SNED1: variants seen among roughly 807,000 people sequenced by gnomAD.
The protein encoded by SNED1 is sushi, nidogen and EGF like domains 1, also known as sushi, nidogen and EGF-like domain-containing protein 1.
A neutral mutation model predicts 166.7 loss-of-function variants in SNED1; 81 were observed. The observed-to-expected ratio is 0.49, with a 90% CI of 0.41 to 0.58. The LOEUF is 0.58. Ranked by LOEUF, SNED1 falls within the 20% of genes least tolerant of loss-of-function variation. SNED1 has a pLI of 0.00. For missense variants in SNED1, 1,604 were observed against 2,000.2 expected, an observed-to-expected ratio of 0.80 and a Z score of 3.78; for synonymous variants, 762 against 822.0, an observed-to-expected ratio of 0.93 and a Z score of 1.25.
rs1302411283 is a variant in SNED1, at chr2:241,018,070, A to G, written c.214-12214A>G. On this transcript the variant is annotated intron_variant, in intron 1 of 31. Transcript: ENST00000310397. This position sits in a 1 kb window ranked among gnomAD's most constrained non-coding sequence, Gnocchi z 5.4. ...TGATCCCTTTCCCGACTGGAGAGGCATTCCAAGGCTCACTCCCTCCCAGGT... is the reference window on the plus strand; with the variant it reads ...TGATCCCTTTCCCGACTGGAGAGGCGTTCCAAGGCTCACTCCCTCCCAGGT... Among the ~76,000 whole-genome samples, 1 of 152,140 alleles carries G rather than the reference A, an allele frequency of 6.6e-6. No homozygotes were observed. The highest frequency in any genetic ancestry group is 1.5e-5 in the Non-Finnish European group (1 of 68,018).
intron 1 of SNED1, among the ~76,000 whole-genome samples, chr2:241,002,288 A>G (rs1391213033): frequency 6.6e-6 from 1 of 152,082 alleles, no homozygotes; most frequent in East Asian, 1.9e-4. Context: ...AGGCCTGCGC[A>G]TGAGTGGATC....
intron 26 of SNED1, 145 bp downstream of exon 26, chr2:241,072,023 A>G (rs1311890439): frequency 1.3e-6 from 1 of 791,368 alleles, no homozygotes; most frequent in Non-Finnish European, 2.2e-6. Context: ...GACTGTGCAC[A>G]AGGCGCGGGG....
At position 241,068,845 on chromosome 2, in the gene SNED1, C is replaced by A. The variant is rs1293626940; in HGVS notation, c.3195-66C>A. ...ACCTCCTGCCTGGGGGAGCTGCGGTCTGGCAGCAGAGTCACACACAGGTCC... is the reference window on the plus strand; with the variant it reads ...ACCTCCTGCCTGGGGGAGCTGCGGTATGGCAGCAGAGTCACACACAGGTCC... On this transcript the variant is annotated intron_variant, in intron 22 of 31. Coordinates refer to ENST00000310397, the MANE Select transcript of SNED1 (RefSeq NM_001080437.3). This position sits in a 1 kb window ranked among gnomAD's most constrained non-coding sequence, Gnocchi z 5.3. 8.7e-7 allele frequency: 1 copy of A among 1,154,098 alleles called. No individual in the cohort carries two copies. Among genetic ancestry groups the A allele is most frequent in the Non-Finnish European group, 1.2e-6 (1 of 811,296 alleles). 71.5% of individuals were successfully genotyped at this position (1,154,098 alleles called of 1,614,324 possible).
chr2:241,013,707 A>G lies in SNED1; in HGVS notation c.213+14657A>G, dbSNP rs1574866464. On this transcript the variant is annotated intron_variant, in intron 1 of 31. Coordinates refer to ENST00000310397, the MANE Select transcript of SNED1 (RefSeq NM_001080437.3). The surrounding 1 kb of genome is among the most constrained non-coding windows in gnomAD (Gnocchi z 4.6). ...CGCCTGGCTTATTTCACTGAGCATA[A>G]TGTCCTTCAGTTTCATCCATGTTGT... is the stretch of plus-strand genomic sequence containing the variant. Among the ~76,000 whole-genome samples the G allele has an allele frequency of 6.6e-6, 1 of 152,070 alleles. No individual in the cohort carries two copies. Among genetic ancestry groups the G allele is most frequent in the Non-Finnish European group, 1.5e-5 (1 of 68,012 alleles).
At chr2:241,034,098 C>T (rs985921223) in intron 3 of SNED1, among the ~76,000 whole-genome samples, 7 of 152,246 alleles carry the variant, frequency 4.6e-5, no homozygotes, top group Non-Finnish European at 1.0e-4. Flanking sequence ...CCTGCCCCGC[C>T]CTGCCCCTGC....
intron 1 of SNED1, among the ~76,000 whole-genome samples, chr2:241,011,960 C>T (rs2060420276): frequency 6.6e-6 from 1 of 152,210 alleles, no homozygotes; most frequent in Admixed American, 6.5e-5. Flanking sequence ...GGGAGGGCAG[C>T]AGCTCTCTGG....
intron 1 of SNED1, among the ~76,000 whole-genome samples, chr2:241,006,024 C>T (rs1164464464): frequency 6.6e-6 from 1 of 152,076 alleles, no homozygotes; most frequent in African/African-American, 2.4e-5. Context: ...ATTGTATGTA[C>T]ATTAAACTTC....
rs1255237046 is a variant in SNED1 at position 241,051,699 on chromosome 2, C to T, written c.1736-45C>T. The T allele has an allele frequency of 1.4e-6, 2 of 1,400,710 alleles. No homozygotes were observed. Among genetic ancestry groups the T allele is most frequent in the East Asian group, 2.5e-5 (1 of 39,612 alleles). The allele number at this position is 1,400,710 out of a possible 1,614,324, so 86.8% of individuals were successfully genotyped here. A position where few individuals can be genotyped will look rare whatever the true frequency, so the allele number is the denominator to read the frequency against. ...GGAGGGTATAGTGGCTCTGTGGGGC[C>T]AGCAGCCTGGCCCCGTTCATCTGCC... is the stretch of plus-strand genomic sequence containing the variant. On this transcript the variant is annotated intron_variant, in intron 12 of 31. Coordinates refer to ENST00000310397, the MANE Select transcript of SNED1 (RefSeq NM_001080437.3). The surrounding 1 kb of genome is among the most constrained non-coding windows in gnomAD (Gnocchi z 4.7).
chr2:241,090,556 C>A, intron 31 of SNED1: 1 of 1,260,620 alleles, frequency 7.9e-7, no homozygotes, highest in Non-Finnish European at 1.1e-6. Context: ...CTTCTATACA[C>A]AGGGCAGTGC....
chr2:241,061,618 G>C (rs1446731079), intron 16 of SNED1, among the ~76,000 whole-genome samples: 1 of 152,190 alleles, frequency 6.6e-6, no homozygotes, highest in Non-Finnish European at 1.5e-5. Context: ...GCTGGGCGTA[G>C]ACTCATGCCT....
At chr2:241,030,257 T>A in intron 1 of SNED1, 27 bp from the exon 2 acceptor site, 1 of 1,533,984 alleles carries the variant, frequency 6.5e-7, no homozygotes, top group Non-Finnish European at 8.8e-7. Context: ...CCCCAGTCAA[T>A]CCCCGCTCTG....
chr2:241,070,272 C>T, intron 24 of SNED1, 71 bp downstream of exon 24: 4 of 1,471,730 alleles, frequency 2.7e-6, no homozygotes, highest in Non-Finnish European at 3.6e-6. Flanking sequence ...CAGGACTGAC[C>T]TGGCCCTGCA....
At chr2:241,072,896 G>T in intron 26 of SNED1, 1 of 293,888 alleles carries the variant, frequency 3.4e-6, no homozygotes, top group South Asian at 7.2e-5. Flanking sequence ...AGAGCAGGGG[G>T]TGCCACAGCC....
intron 1 of SNED1, among the ~76,000 whole-genome samples, chr2:241,025,410 T>A (rs2060929048): frequency 6.6e-6 from 1 of 152,172 alleles, no homozygotes; most frequent in Admixed American, 6.5e-5. Flanking sequence ...CTTATTAATA[T>A]TCACTACCAA....
intron 18 of SNED1, 47 bp downstream of exon 18, chr2:241,063,747 G>A: frequency 7.4e-7 from 1 of 1,354,454 alleles, no homozygotes; most frequent in Non-Finnish European, 1.0e-6. Flanking sequence ...CTGGGCCTCT[G>A]GAAGATCAGA....
At chr2:241,021,534 A>G (rs535433830) in intron 1 of SNED1, among the ~76,000 whole-genome samples, 3 of 152,260 alleles carry the variant, frequency 2.0e-5, no homozygotes, top group African/African-American at 7.2e-5. Context: ...ATACAAATAG[A>G]GTCATAGTCT....
Position 241,068,074 on chromosome 2 carries a change from C to T in SNED1, c.3194+127C>T, listed in dbSNP as rs1345910820. 1.4e-5 allele frequency: 13 copies of T among 913,958 alleles called. No homozygotes were observed. Among genetic ancestry groups the T allele is most frequent in the African/African-American group, 5.0e-5 (3 of 60,170 alleles). The allele number at this position is 913,958 out of a possible 1,614,324, so 56.6% of individuals were successfully genotyped here. ...TACCACCTGCCGCTCCTCACCTGAG[C>T]GGAGACAAAGGTCTCAGGTGAGCCA... is the stretch of plus-strand genomic sequence containing the variant. On this transcript the variant is annotated intron_variant, in intron 22 of 31. Transcript: ENST00000310397. This position sits in a 1 kb window ranked among gnomAD's most constrained non-coding sequence, Gnocchi z 5.3.
intron 6 of SNED1, among the ~76,000 whole-genome samples, chr2:241,038,775 A>T (rs2108486): frequency 0.27 from 40,777 of 152,152 alleles, 5,859 homozygotes; most frequent in Middle Eastern, 0.34. Flanking sequence ...GGCTGGCAGG[A>T]TCTCCTTCCT....
intron 10 of SNED1, 53 bp from the exon 11 acceptor site, chr2:241,048,969 G>A (rs868283967): frequency 1.4e-5 from 21 of 1,489,482 alleles, no homozygotes; most frequent in Middle Eastern, 1.7e-4. Context: ...AGGACTCGAG[G>A]TCTGCTGGAA....
Sources: gnomAD v4.1 joint callset for allele counts (sites outside exome capture counted in the v4.1 genomes callset) on GRCh38, gnomAD v4.1.1 for gene constraint, Gnocchi (gnomAD v3.1) non-coding constraint, MANE v1.5 for transcripts, NCBI Gene and HGNC (gene_info 2026-07-23, HGNC 2026-07-21) for gene names.